SDS: variants seen among roughly 807,000 people sequenced by gnomAD.
SDS encodes serine dehydratase.
A neutral mutation model predicts 29.3 loss-of-function variants in SDS; 19 were observed. The observed-to-expected ratio is 0.65, with a 90% CI of 0.45 to 0.95. SDS has a LOEUF of 0.95. Ranked by LOEUF, SDS falls within the 40% of genes least tolerant of loss-of-function variation. SDS has a pLI of 0.00. For missense variants in SDS, 375 were observed against 439.9 expected (o/e 0.85, Z 1.32); for synonymous variants, 176 against 189.0 (o/e 0.93, Z 0.56).
intron 5 of SDS, among the ~76,000 whole-genome samples, 178 bp from the exon 6 acceptor site, chr12:113,397,570 C>T (rs951688739): frequency 1.3e-5 from 2 of 152,154 alleles, no homozygotes; most frequent in Admixed American, 6.5e-5. Context: ...CTCTGGCCAC[C>T]TGAGCTACCT....
intron 1 of SDS, among the ~76,000 whole-genome samples, chr12:113,402,519 C>T (rs980691554): frequency 2.7e-5 from 4 of 149,064 alleles, no homozygotes; most frequent in African/African-American, 1.0e-4. Context: ...TCTCGAACTC[C>T]TGACCTCAAG....
chr12:113,400,919 C>T (rs143798788), intron 1 of SDS, among the ~76,000 whole-genome samples: 1,643 of 152,098 alleles, frequency 0.011, 31 homozygotes, highest in African/African-American at 0.037. Context: ...TTTGGGAGGC[C>T]GAAGCGGGCG....
intron 7 of SDS, 90 bp from the exon 8 acceptor site, chr12:113,393,239 G>T: frequency 1.6e-6 from 2 of 1,228,400 alleles, no homozygotes; most frequent in Non-Finnish European, 2.4e-6. Flanking sequence ...TGGGAATACT[G>T]AGCCAATCAG....
intron 6 of SDS, 44 bp downstream of exon 6, chr12:113,397,121 C>T: frequency 6.5e-7 from 1 of 1,544,392 alleles, no homozygotes. Flanking sequence ...GGGGGACTCC[C>T]CAGTGCTTGC....
In SDS at chr12:113,393,100, AGCGGCCAGG is replaced by A; in HGVS notation, c.819_827del (p.Leu274_Ala276del). ...GCTTCTGGATCACGTGGCTATAGACAGCGGCCAGGGCTGCCCCGCAGGCGGGCTCCACCA... is the reference window on the plus strand; with the variant it reads ...GCTTCTGGATCACGTGGCTATAGACAGCTGCCCCGCAGGCGGGCTCCACCA... On this transcript the variant is annotated inframe_deletion, in exon 8 of 8. Coordinates refer to ENST00000257549, the MANE Select transcript of SDS (RefSeq NM_006843.3). 1 of 1,614,194 alleles carries A rather than the reference AGCGGCCAGG, an allele frequency of 6.2e-7. No individual in the cohort carries two copies. The highest frequency in any genetic ancestry group is 8.5e-7 in the Non-Finnish European group (1 of 1,180,034).
In SDS at chr12:113,393,083, A is replaced by C; in HGVS notation, c.845T>G (p.Ile282Ser). The change falls in exon 8 of 8, where the codon ATC (isoleucine) becomes AGC (serine). Residue 282 changes from isoleucine to serine, a missense_variant. Ile to Ser is a moderately radical substitution (Grantham distance 142, BLOSUM62 -2). Transcript: ENST00000257549. ...AALAAVYSHV[I>S]QKLQLEGNLR... is the part of the protein sequence containing the mutation. ...ATTCCCCTCCAGTTGGAGCTTCTGG[A>C]TCACGTGGCTATAGACAGCGGCCAG... The C allele has an allele frequency of 6.2e-7, 1 of 1,614,200 alleles. No homozygotes were observed.
At chr12:113,403,560 G>T (rs1957699529) in intron 1 of SDS, among the ~76,000 whole-genome samples, 1 of 151,930 alleles carries the variant, frequency 6.6e-6, no homozygotes, top group Non-Finnish European at 1.5e-5. Flanking sequence ...GATTGGGGGG[G>T]GTCTCACTCT....
intron 2 of SDS, 130 bp downstream of exon 2, chr12:113,399,426 C>T (rs945740145): frequency 1.5e-5 from 17 of 1,152,316 alleles, no homozygotes; most frequent in Admixed American, 5.7e-5. Context: ...TAATGGTGGA[C>T]GCTCAGTCCT....
chr12:113,402,412 C>A (rs1334637813), intron 1 of SDS, among the ~76,000 whole-genome samples: 1 of 152,198 alleles, frequency 6.6e-6, no homozygotes, highest in East Asian at 1.9e-4. Context: ...CCTGCCTCAG[C>A]CTCCCAAGTA....
In SDS at chr12:113,394,065, G is replaced by T. The variant is rs557767195; in HGVS notation, c.654-49C>A. Reference sequence around the variant, plus strand: ...GAGGATGGGAGTGGGGGAAACAGGAGAGAGATGGGGGCAGGGAGGGAGAGA... The same window carrying T: ...GAGGATGGGAGTGGGGGAAACAGGATAGAGATGGGGGCAGGGAGGGAGAGA... On this transcript the variant is annotated intron_variant, in intron 6 of 7. Coordinates refer to ENST00000257549, the MANE Select transcript of SDS (RefSeq NM_006843.3). The T allele has an allele frequency of 2.4e-4, 385 of 1,590,138 alleles. 1 individual carries two copies. The African/African-American group carries it at 4.8e-3, about 20-fold the overall frequency.
At position 113,400,907 on chromosome 12, in the gene SDS, A is replaced by G. The variant is rs148986392; in HGVS notation, c.-2-1197T>C. Among the ~76,000 whole-genome samples the G allele has an allele frequency of 6.8e-3, 1,031 of 152,270 alleles. 15 individuals carry two copies. Among genetic ancestry groups the G allele is most frequent in the African/African-American group, 0.023 (961 of 41,550 alleles). The stretch of plus-strand genomic sequence containing the variant: ...GGTGACTCACACCTGTAATCCCAGC[A>G]CTTTGGGAGGCCGAAGCGGGCGGAT... On this transcript the variant is annotated intron_variant, in intron 1 of 7. Coordinates refer to ENST00000257549, the MANE Select transcript of SDS (RefSeq NM_006843.3).
rs769736002 is a variant in SDS, at chr12:113,397,323, C to G, written c.495G>C (p.Leu165=). The change falls in exon 6 of 8, where the codon CTG becomes CTC. Residue 165 remains leucine (L), a synonymous_variant. Coordinates refer to ENST00000257549, the MANE Select transcript of SDS (RefSeq NM_006843.3). ...TLWEKPGAIA[L]SVGGGGLLCG... ...ACAGCAGGCCCCCGCCGCCCACTGACAGCGCGATGGCCCCCGGCTTTTCCC... is the reference window on the plus strand; with the variant it reads ...ACAGCAGGCCCCCGCCGCCCACTGAGAGCGCGATGGCCCCCGGCTTTTCCC... 2.5e-6 allele frequency: 4 copies of G among 1,614,100 alleles called. No individual in the cohort carries two copies. The highest frequency in any genetic ancestry group is 1.3e-5 in the African/African-American group (1 of 75,072).
At chr12:113,394,663 G>A (rs996578315) in intron 6 of SDS, among the ~76,000 whole-genome samples, 2 of 152,044 alleles carry the variant, frequency 1.3e-5, no homozygotes, top group African/African-American at 4.8e-5. Flanking sequence ...GAACTCCTGG[G>A]CTCAAGTGAT....
At chr12:113,402,123 T>C (rs1957687420) in intron 1 of SDS, among the ~76,000 whole-genome samples, 1 of 152,134 alleles carries the variant, frequency 6.6e-6, no homozygotes, top group East Asian at 1.9e-4. Context: ...CCCTTGTCTA[T>C]CTGAATTAAC....
intron 6 of SDS, 109 bp from the exon 7 acceptor site, chr12:113,394,125 C>G: frequency 1.9e-6 from 2 of 1,047,694 alleles, no homozygotes; most frequent in Non-Finnish European, 2.8e-6. Flanking sequence ...GGCAATGCAT[C>G]TGGGGGCAGG....
Position 113,393,110 on chromosome 12 carries a change from G to A in SDS, c.818C>T (p.Ala273Val), listed in dbSNP as rs2136931511. The A allele has an allele frequency of 6.2e-7, 1 of 1,614,154 alleles. No individual in the cohort carries two copies. Among genetic ancestry groups the A allele is most frequent in the South Asian group, 1.1e-5 (1 of 91,080 alleles). ...CACGTGGCTATAGACAGCGGCCAGG[G>A]CTGCCCCGCAGGCGGGCTCCACCAG... is the stretch of plus-strand genomic sequence containing the variant. ...KILVEPACGA[A>V]LAAVYSHVIQ... Residue 273 changes from alanine to valine, a missense_variant, in exon 8 of 8, where the codon GCC (alanine) becomes GTC (valine). Transcript: ENST00000257549.
At chr12:113,399,332 G>C in intron 2 of SDS, 181 bp from the exon 3 acceptor site, 1 of 859,988 alleles carries the variant, frequency 1.2e-6, no homozygotes, top group Non-Finnish European at 1.8e-6. Context: ...TCAGGAAAGG[G>C]TGGAGGAAAA....
chr12:113,396,405 T>G (rs994611070), intron 6 of SDS, among the ~76,000 whole-genome samples: 1 of 150,470 alleles, frequency 6.6e-6, no homozygotes, highest in Non-Finnish European at 1.5e-5. Flanking sequence ...CCTTTCTTTC[T>G]CTTTTTTCTT....
chr12:113,403,369 C>G (rs1247322451), intron 1 of SDS, among the ~76,000 whole-genome samples: 1 of 151,962 alleles, frequency 6.6e-6, no homozygotes. Context: ...ACTAAAAATA[C>G]AAAAATTAGC....
Sources: gnomAD v4.1 joint callset for allele counts (sites outside exome capture counted in the v4.1 genomes callset) on GRCh38, gnomAD v4.1.1 for gene constraint, MANE v1.5 for transcripts, NCBI Gene and HGNC (gene_info 2026-07-23, HGNC 2026-07-21) for gene names.